SLC5A4: variants seen among roughly 807,000 people sequenced by gnomAD.
The protein encoded by SLC5A4 is solute carrier family 5 member 4.
A neutral mutation model predicts 70.3 loss-of-function variants in SLC5A4; 55 were observed. That is an observed-to-expected ratio of 0.78 (90% CI 0.63 to 0.98). The LOEUF is 0.98. Ranked by LOEUF, SLC5A4 falls within the 50% of genes least tolerant of loss-of-function variation. SLC5A4 has a pLI of 0.00. For missense variants in SLC5A4, 735 were observed against 839.2 expected, an observed-to-expected ratio of 0.88 and a Z score of 1.53; for synonymous variants, 268 against 305.7, an observed-to-expected ratio of 0.88 and a Z score of 1.29.
chr22:32,258,568 A>T (rs1322218347), upstream of SLC5A4, among the ~76,000 whole-genome samples: 2 of 152,006 alleles, frequency 1.3e-5, no homozygotes, highest in African/African-American at 4.8e-5. Context: ...TAGCTATTAT[A>T]AAAAAAAGAA....
chr22:32,239,865 A>G (rs1193129247), intron 5 of SLC5A4, among the ~76,000 whole-genome samples: 1 of 149,724 alleles, frequency 6.7e-6, no homozygotes, highest in African/African-American at 2.5e-5. Context: ...TCTACTACAA[A>G]TACAAAAAAT....
At chr22:32,310,832 T>C in the SLC5A4 span, among the ~76,000 whole-genome samples, 8 of 152,356 alleles carry the variant, frequency 5.3e-5, no homozygotes, top group South Asian at 1.5e-3. Context: ...CTTTATGCCC[T>C]AGCAAGTTTG....
the SLC5A4 span, among the ~76,000 whole-genome samples, chr22:32,345,768 C>T: frequency 1.3e-5 from 2 of 152,048 alleles, no homozygotes; most frequent in East Asian, 3.9e-4. Flanking sequence ...GTAGTGAGTC[C>T]CCAGCCTAAG....
the SLC5A4 span, among the ~76,000 whole-genome samples, chr22:32,286,214 C>T: frequency 6.6e-6 from 1 of 152,144 alleles, no homozygotes; most frequent in Non-Finnish European, 1.5e-5. Context: ...TACATATACT[C>T]ACATATATTT....
chr22:32,251,919 A>C (rs1225684379), intron 2 of SLC5A4, 45 bp from the exon 3 acceptor site: 2 of 1,404,406 alleles, frequency 1.4e-6, no homozygotes, highest in Admixed American at 1.7e-5. Context: ...AAAAGATCCA[A>C]ATCAGACTTC....
the SLC5A4 span, among the ~76,000 whole-genome samples, chr22:32,295,327 T>C: frequency 9.5e-6 from 1 of 105,384 alleles, no homozygotes; most frequent in African/African-American, 3.5e-5. Context: ...CCAGCACCTG[T>C]TGTTTCCTGA....
chr22:32,339,830 A>G, the SLC5A4 span, among the ~76,000 whole-genome samples: 2 of 152,218 alleles, frequency 1.3e-5, no homozygotes, highest in African/African-American at 4.8e-5. Context: ...GCTGAGTTTC[A>G]GGAGGCTCCT....
the SLC5A4 span, among the ~76,000 whole-genome samples, chr22:32,315,870 T>C: frequency 1.4e-5 from 2 of 147,868 alleles, no homozygotes; most frequent in African/African-American, 2.5e-5. Flanking sequence ...CAAGGTTTCA[T>C]AGAAAAGGAT....
the SLC5A4 span, among the ~76,000 whole-genome samples, chr22:32,349,248 C>T: frequency 6.6e-6 from 1 of 152,230 alleles, no homozygotes; most frequent in Non-Finnish European, 1.5e-5. Context: ...GCTGGGATTA[C>T]AGGCGTGAGC....
chr22:32,250,720 G>A (rs1927088929), intron 3 of SLC5A4, among the ~76,000 whole-genome samples: 1 of 152,050 alleles, frequency 6.6e-6, no homozygotes, highest in African/African-American at 2.4e-5. Context: ...GCTCAACAAT[G>A]ATAGACTGGA....
the SLC5A4 span, among the ~76,000 whole-genome samples, chr22:32,322,543 G>A: frequency 7.3e-5 from 11 of 149,806 alleles, no homozygotes; most frequent in South Asian, 6.3e-4. Context: ...CCAATATTGC[G>A]CCACTGCACT....
the SLC5A4 span, among the ~76,000 whole-genome samples, chr22:32,341,275 G>T: frequency 6.6e-6 from 1 of 152,134 alleles, no homozygotes; most frequent in Non-Finnish European, 1.5e-5. Flanking sequence ...AGAAGTTAAA[G>T]GGAAGAGCCC....
chr22:32,331,689 T>TGGGATGGGGACGTG, the SLC5A4 span, among the ~76,000 whole-genome samples: 1 of 151,996 alleles, frequency 6.6e-6, no homozygotes, highest in African/African-American at 2.4e-5. Flanking sequence ...GGATTGTACC[T>TGGGATGGGGACGTG]GGGATGGGGA....
the SLC5A4 span, chr22:32,269,264 T>C: frequency 5.5e-6 from 1 of 182,670 alleles, no homozygotes; most frequent in Non-Finnish European, 1.1e-5. This position sits in a 1 kb window ranked among gnomAD's most constrained non-coding sequence, Gnocchi z 4.1. Flanking sequence ...CATATTTCTT[T>C]GGGTGTAGCA....
the SLC5A4 span, among the ~76,000 whole-genome samples, chr22:32,285,487 A>G: frequency 2.0e-5 from 3 of 152,138 alleles, no homozygotes; most frequent in African/African-American, 7.2e-5. Flanking sequence ...GTGGCTATGC[A>G]TTCCAAATCT....
the SLC5A4 span, among the ~76,000 whole-genome samples, chr22:32,330,460 T>G: frequency 1.7e-4 from 17 of 102,028 alleles, 1 homozygote; most frequent in Non-Finnish European, 2.6e-4. Flanking sequence ...CTGGGGTGTG[T>G]GTGTGTGTGT....
At chr22:32,235,421 T>C (rs1322739968) in intron 7 of SLC5A4, among the ~76,000 whole-genome samples, 3 of 152,130 alleles carry the variant, frequency 2.0e-5, no homozygotes, top group African/African-American at 7.3e-5. Context: ...ATTTAGAGCA[T>C]AAGCAAACTG....
chr22:32,321,333 T>G, the SLC5A4 span, among the ~76,000 whole-genome samples: 2 of 152,172 alleles, frequency 1.3e-5, no homozygotes, highest in African/African-American at 2.4e-5. Context: ...GCACCTGTAG[T>G]CCCAGCTACT....
chr22:32,251,187 G>T (rs1381588411), intron 3 of SLC5A4, among the ~76,000 whole-genome samples: 2 of 117,762 alleles, frequency 1.7e-5, no homozygotes, highest in African/African-American at 6.5e-5. Flanking sequence ...CCAAAGAGGA[G>T]AACATTCTAT....
Sources: allele counts gnomAD v4.1 joint callset (sites outside exome capture counted in the v4.1 genomes callset), GRCh38; gene constraint gnomAD v4.1.1; non-coding constraint Gnocchi (gnomAD v3.1); transcripts MANE v1.5; gene names NCBI Gene and HGNC (gene_info 2026-07-23, HGNC 2026-07-21).